BLTP3B: variants seen among roughly 807,000 people sequenced by gnomAD.
BLTP3B encodes the protein UHRF1 (ICBP90) binding protein 1-like.
chr12:100,059,189 C>T, the BLTP3B span: 5 of 1,613,990 alleles, frequency 3.1e-6, no homozygotes, highest in Middle Eastern at 1.6e-4. Context: ...GAGAAAAGTA[C>T]ACAGCCCAAA....
At chr12:100,106,523 A>G in the BLTP3B span, among the ~76,000 whole-genome samples, 2 of 152,194 alleles carry the variant, frequency 1.3e-5, no homozygotes, top group Non-Finnish European at 2.9e-5. Flanking sequence ...CAAATACCAC[A>G]TGTTCTTTTA....
chr12:100,132,155 A>T, the BLTP3B span, among the ~76,000 whole-genome samples: 1 of 152,248 alleles, frequency 6.6e-6, no homozygotes, highest in Non-Finnish European at 1.5e-5. Context: ...AAACACATGT[A>T]ATTGATAAGA....
chr12:100,120,517 T>C, the BLTP3B span, among the ~76,000 whole-genome samples: 1 of 152,072 alleles, frequency 6.6e-6, no homozygotes, highest in Non-Finnish European at 1.5e-5. Context: ...AAAACCACAG[T>C]AAGATACCAC....
the BLTP3B span, chr12:100,057,715 G>C: frequency 1.0e-4 from 165 of 1,611,522 alleles, no homozygotes; most frequent in African/African-American, 2.0e-3. Context: ...AGAGGAGCCA[G>C]GTTGGGTGGG....
the BLTP3B span, among the ~76,000 whole-genome samples, chr12:100,114,648 C>T: frequency 1.3e-5 from 2 of 152,142 alleles, no homozygotes; most frequent in African/African-American, 4.8e-5. Context: ...ACCTTAAAGC[C>T]ACATTTTAAA....
the BLTP3B span, among the ~76,000 whole-genome samples, chr12:100,049,449 G>C: frequency 5.3e-5 from 8 of 152,120 alleles, no homozygotes; most frequent in African/African-American, 1.7e-4. Flanking sequence ...ATGCATGTGT[G>C]TGAAAGGGAG....
chr12:100,037,286 G>C, the BLTP3B span: 1 of 1,006,432 alleles, frequency 9.9e-7, no homozygotes, highest in Non-Finnish European at 1.2e-6. Flanking sequence ...GTGAACACAA[G>C]AGGTTTTCCT....
chr12:100,139,911 T>C, the BLTP3B span, among the ~76,000 whole-genome samples: 4 of 152,206 alleles, frequency 2.6e-5, no homozygotes, highest in African/African-American at 9.6e-5. Flanking sequence ...TTTTAAACTC[T>C]GTGGTCAGGA....
At chr12:100,071,497 CAAAAAA>C in the BLTP3B span, among the ~76,000 whole-genome samples, 309 of 78,684 alleles carry the variant, frequency 3.9e-3, 1 homozygote, top group African/African-American at 0.014. Context: ...ACTATGTCTC[CAAAAAA>C]AAAAAAAAAA....
the BLTP3B span, chr12:100,059,878 T>G: frequency 1.9e-6 from 3 of 1,612,008 alleles, no homozygotes; most frequent in Non-Finnish European, 2.5e-6. Context: ...AACTCGAACA[T>G]CAACATGCTC....
chr12:100,041,731 G>C, the BLTP3B span, among the ~76,000 whole-genome samples: 1 of 152,002 alleles, frequency 6.6e-6, no homozygotes, highest in South Asian at 2.1e-4. Flanking sequence ...CACCGCGCCC[G>C]GCCTGCTATT....
the BLTP3B span, among the ~76,000 whole-genome samples, chr12:100,140,729 A>AAAAACATATATAT: frequency 1.6e-5 from 1 of 61,506 alleles, no homozygotes; most frequent in Non-Finnish European, 2.6e-5. Flanking sequence ...AAAAAAAAAA[A>AAAAACATATATAT]ATATATATAT....
the BLTP3B span, among the ~76,000 whole-genome samples, chr12:100,118,961 G>A: frequency 2.4e-4 from 37 of 152,128 alleles, no homozygotes; most frequent in Non-Finnish European, 5.0e-4. Flanking sequence ...AATTAGCTGG[G>A]CTTAGTGGCA....
chr12:100,101,178 A>T, the BLTP3B span, among the ~76,000 whole-genome samples: 1 of 152,224 alleles, frequency 6.6e-6, no homozygotes, highest in Non-Finnish European at 1.5e-5. Context: ...ATTACAAAGA[A>T]GTTAACATGA....
chr12:100,094,203 C>T, the BLTP3B span, among the ~76,000 whole-genome samples: 5 of 152,132 alleles, frequency 3.3e-5, no homozygotes, highest in Admixed American at 1.3e-4. Flanking sequence ...CTCCTGGGTT[C>T]AAACAATCTT....
At chr12:100,107,620 C>G in the BLTP3B span, among the ~76,000 whole-genome samples, 1 of 151,724 alleles carries the variant, frequency 6.6e-6, no homozygotes. Context: ...GGTGACAGAG[C>G]AAGACTCCGT....
At chr12:100,133,934 C>G in the BLTP3B span, among the ~76,000 whole-genome samples, 1 of 152,098 alleles carries the variant, frequency 6.6e-6, no homozygotes, top group Non-Finnish European at 1.5e-5. Context: ...TACAATTTTT[C>G]TATTACATAT....
chr12:100,068,500 CACTT>C, the BLTP3B span, among the ~76,000 whole-genome samples: 2 of 152,142 alleles, frequency 1.3e-5, no homozygotes, highest in Non-Finnish European at 2.9e-5. Context: ...AAATTGCTGA[CACTT>C]AATTAAACAG....
At chr12:100,045,773 T>C in the BLTP3B span, among the ~76,000 whole-genome samples, 5 of 152,010 alleles carry the variant, frequency 3.3e-5, no homozygotes, top group African/African-American at 4.8e-5. Flanking sequence ...AAATAAACTA[T>C]CATCAGAGTG....
Sources: gnomAD v4.1 joint callset for allele counts (sites outside exome capture counted in the v4.1 genomes callset) on GRCh38, gnomAD v4.1.1 for gene constraint, MANE v1.5 for transcripts, NCBI Gene and HGNC (gene_info 2026-07-23, HGNC 2026-07-21) for gene names.